CSAD: variants seen among roughly 807,000 people sequenced by gnomAD.
CSAD encodes cysteine sulfinic acid decarboxylase, also known as P-selectin cytoplasmic tail-associated protein.
In CSAD, 47 loss-of-function variants were observed where a neutral mutation model predicts 61.5. That is an observed-to-expected ratio of 0.76 (90% CI 0.60 to 0.97). The LOEUF (loss-of-function observed/expected upper bound fraction) is 0.97, where lower values mean the gene tolerates loss of function less well. Among genes scored for constraint, CSAD ranks in the 50% least tolerant of loss-of-function variants. The pLI is 0.00. For synonymous variants in CSAD, 245 were observed against 252.7 expected, an observed-to-expected ratio of 0.97 and a Z score of 0.29; for missense variants, 611 against 643.6, an observed-to-expected ratio of 0.95 and a Z score of 0.55.
intron 13 of CSAD, 146 bp downstream of exon 13, chr12:53,160,617 A>G: frequency 1.3e-6 from 1 of 756,494 alleles, no homozygotes. Context: ...AAGGAGCCTA[A>G]TACAGGTTAG....
chr12:53,167,132 C>CTTGATGGAACAG (rs1158563829), intron 10 of CSAD, among the ~76,000 whole-genome samples: 1 of 152,174 alleles, frequency 6.6e-6, no homozygotes, highest in Non-Finnish European at 1.5e-5. Flanking sequence ...GTTCCACACA[C>CTTGATGGAACAG]TTCAAATGCC....
intron 10 of CSAD, among the ~76,000 whole-genome samples, chr12:53,164,978 A>T (rs1939725203): frequency 6.6e-6 from 1 of 152,350 alleles, no homozygotes; most frequent in African/African-American, 2.4e-5. Flanking sequence ...ACAAATCAAA[A>T]CTACAATGAG....
intron 2 of CSAD, among the ~76,000 whole-genome samples, chr12:53,176,396 GC>G (rs1297787298): frequency 1.3e-5 from 2 of 148,858 alleles, no homozygotes; most frequent in African/African-American, 5.0e-5. Context: ...GGCAGCAAGA[GC>G]AAAATTCCAT....
chr12:53,179,785 T>G, intron 1 of CSAD: 9 of 1,612,830 alleles, frequency 5.6e-6, no homozygotes, highest in Non-Finnish European at 7.6e-6. Flanking sequence ...ACAGCAGAAA[T>G]GAGGACTTCA....
chr12:53,172,361 C>T lies in CSAD; in HGVS notation c.329G>A (p.Ser110Asn), dbSNP rs1181520504. The T allele has an allele frequency of 1.2e-6, 2 of 1,614,020 alleles. No homozygotes were observed. The highest frequency in any genetic ancestry group is 2.2e-5 in the South Asian group (2 of 91,074). The change falls in exon 6 of 17, where the codon AGC (serine) becomes AAC (asparagine). Residue 110 changes from serine to asparagine, a missense_variant. Transcript: ENST00000444623. ...GGATGCTCACTGGCTGGTGTTGAGG[C>T]TCTCAGTGATAATGCGCCCGGCCAG... is the stretch of plus-strand genomic sequence containing the variant. ...HALAGRIITESLNTSQYTYEI... is the reference protein window; with the variant it reads ...HALAGRIITENLNTSQYTYEI...
In CSAD at chr12:53,158,443, C is replaced by T. The variant is rs769692637; in HGVS notation, c.*68G>A. 31 of 1,528,128 alleles carry T rather than the reference C, an allele frequency of 2.0e-5. No individual in the cohort carries two copies. In the South Asian group the frequency reaches 2.9e-4, roughly 14 times the overall value. The allele number at this position is 1,528,128 out of a possible 1,614,324, so 94.7% of individuals were successfully genotyped here. On this transcript the variant is annotated 3_prime_UTR_variant, in exon 17 of 17. Coordinates refer to ENST00000444623, the MANE Select transcript of CSAD (RefSeq NM_001244705.2). ...GAGCCACTGCACCCGGCCTCAAAGG[C>T]TGGGAGGGAATGCAGTGACTCTGCG...
rs1305671617 is a variant in CSAD, at chr12:53,170,453, T to A, written c.617A>T (p.Asp206Val). Residue 206 changes from aspartate (D) to valine (V), a missense_variant, in exon 9 of 17, where the codon GAC becomes GTC. Physicochemically the swap from Asp to Val is radical, Grantham distance 152. Coordinates refer to ENST00000444623, the MANE Select transcript of CSAD (RefSeq NM_001244705.2). ...KGAAFLGLGT[D>V]SVRVVKADER... is the part of the protein sequence containing the mutation. The stretch of plus-strand genomic sequence containing the variant: ...ATCAGCCTTGACCACTCGGACACTG[T>A]CGGTGCCAAGTCCCAGAAACGCAGC... 15 of 1,614,086 alleles carry A rather than the reference T, an allele frequency of 9.3e-6. No homozygotes were observed.
intron 12 of CSAD, 54 bp from the exon 13 acceptor site, chr12:53,160,898 C>T (rs1229672000): frequency 2.0e-6 from 3 of 1,478,488 alleles, no homozygotes; most frequent in Non-Finnish European, 2.8e-6. Context: ...GCTGCCCAAC[C>T]AGAGCCCTTC....
At position 53,160,764 on chromosome 12, in the gene CSAD, G is replaced by A. The variant is rs199603070; in HGVS notation, c.965C>T (p.Ser322Leu). Residue 322 changes from serine to leucine, a missense_variant and splice_region_variant, in exon 13 of 17, where the codon TCG becomes TTG. Ser to Leu is a moderately radical substitution (Grantham distance 145, BLOSUM62 -2). Coordinates refer to ENST00000444623, the MANE Select transcript of CSAD (RefSeq NM_001244705.2). ...QCSALLLQDT[S>L]NLLKRCHGSQ... ...GTGCAGGGGCAGGGGCAGACCCACC[G>A]AGGTATCCTGGAGAAGAAGTGCAGA... 2.4e-4 allele frequency: 370 copies of A among 1,551,376 alleles called. 1 individual carries two copies. Among genetic ancestry groups the A allele is most frequent in the Non-Finnish European group, 2.4e-4 (272 of 1,146,850 alleles).
chr12:53,173,821 A>C, intron 2 of CSAD, 51 bp from the exon 3 acceptor site: 1 of 1,585,692 alleles, frequency 6.3e-7, no homozygotes, highest in African/African-American at 1.3e-5. Flanking sequence ...AAAAGTGTAC[A>C]ATTAAGTGTT....
chr12:53,172,043 G>T lies in CSAD; in HGVS notation c.345-55C>A, dbSNP rs539801683. 2.3e-5 allele frequency: 31 copies of T among 1,341,010 alleles called. No homozygotes were observed. The Admixed American group carries it at 4.0e-4, about 17-fold the overall frequency. 83.1% of individuals were successfully genotyped at this position (1,341,010 alleles called of 1,614,324 possible). The stretch of plus-strand genomic sequence containing the variant: ...GAGATGGGGAGGGACTGCCCAGACA[G>T]GCCCTTAAACTGCACAGGAGTCACA... On this transcript the variant is annotated intron_variant, in intron 6 of 16. Transcript: ENST00000444623.
At chr12:53,158,830 C>A (rs1938884105) in intron 16 of CSAD, 146 bp from the exon 17 acceptor site, 1 of 696,380 alleles carries the variant, frequency 1.4e-6, no homozygotes, top group South Asian at 1.9e-5. Context: ...AGACCTTGAC[C>A]TTGGCCTCAG....
chr12:53,177,994 T>C (rs747449802), intron 2 of CSAD: 72 of 178,434 alleles, frequency 4.0e-4, no homozygotes, highest in Non-Finnish European at 6.9e-4. Context: ...AACTTCACTA[T>C]TAATGACATG....
rs547468388 is a variant in CSAD at position 53,180,455 on chromosome 12, A to G, written c.-91+277T>C. ...CCAGCGTACAATCATCGAAGGGCCGAGGGTCCTGCCCTCAGTCTCGATGGC... is the reference window on the plus strand; with the variant it reads ...CCAGCGTACAATCATCGAAGGGCCGGGGGTCCTGCCCTCAGTCTCGATGGC... On this transcript the variant is annotated intron_variant, in intron 1 of 16. Transcript: ENST00000444623. 1,387 of 1,186,580 alleles carry G rather than the reference A, an allele frequency of 1.2e-3. 13 individuals carry two copies. The African/African-American group carries it at 0.022, about 19-fold the overall frequency. 73.5% of individuals were successfully genotyped at this position (1,186,580 alleles called of 1,614,324 possible). A position where few individuals can be genotyped will look rare whatever the true frequency, so the allele number is the denominator to read the frequency against.
chr12:53,169,796 C>T (rs1397363160), intron 10 of CSAD, among the ~76,000 whole-genome samples: 2 of 152,038 alleles, frequency 1.3e-5, no homozygotes, highest in Admixed American at 6.6e-5. Flanking sequence ...TTCCACACTA[C>T]AGCGCAGGCC....
At chr12:53,170,764 A>C (rs1940479205) in intron 8 of CSAD, 2 of 470,272 alleles carry the variant, frequency 4.3e-6, no homozygotes, top group Non-Finnish European at 7.8e-6. Flanking sequence ...TCTGTCACCC[A>C]GGCTGGAGTG....
intron 16 of CSAD, 67 bp downstream of exon 16, chr12:53,159,556 A>G: frequency 7.3e-7 from 1 of 1,372,388 alleles, no homozygotes; most frequent in Non-Finnish European, 1.0e-6. Flanking sequence ...CCCAGCCAAC[A>G]GGGGGCAGAA....
chr12:53,173,252 GA>G lies in CSAD; in HGVS notation c.126+92del, dbSNP rs1324016938. 261 of 1,129,456 alleles carry G rather than the reference GA, an allele frequency of 2.3e-4. 2 individuals carry two copies. The highest frequency in any genetic ancestry group is 4.9e-4 in the South Asian group (33 of 66,762). 70.0% of individuals were successfully genotyped at this position (1,129,456 alleles called of 1,614,324 possible). A position where few individuals can be genotyped will look rare whatever the true frequency, so the allele number is the denominator to read the frequency against. ...AAAAAGGAAGGAAGAAAGAAGGAAG[GA>G]AGGGGGGGGGAGAAAGAAAAGAAAG... On this transcript the variant is annotated intron_variant, in intron 4 of 16. Transcript: ENST00000444623.
At chr12:53,160,410 C>A in intron 13 of CSAD, 91 bp from the exon 14 acceptor site, 2 of 1,284,670 alleles carry the variant, frequency 1.6e-6, no homozygotes, top group South Asian at 1.2e-5. Context: ...CTCAGGATAC[C>A]CTCTTCTTTC....
Sources: gnomAD v4.1 joint callset for allele counts (sites outside exome capture counted in the v4.1 genomes callset) on GRCh38, gnomAD v4.1.1 for gene constraint, MANE v1.5 for transcripts, NCBI Gene and HGNC (gene_info 2026-07-23, HGNC 2026-07-21) for gene names.